The following GPC5 variants were observed in gnomAD, a reference collection of about 807,000 sequenced individuals.
The protein encoded by GPC5 is glypican-5.
In GPC5, 47 loss-of-function variants were observed where a neutral mutation model predicts 53.9. The ratio of observed to expected loss-of-function variants is 0.87; its 90% CI spans 0.69 to 1.11. The LOEUF is 1.11. Ranked by LOEUF, GPC5 falls within the 50% of genes most tolerant of loss-of-function variation. The pLI is 0.00. For missense variants in GPC5, 748 were observed against 713.1 expected (o/e 1.05, Z -0.56); for synonymous variants, 286 against 263.3 (o/e 1.09, Z -0.84).
At chr13:91,973,199 T>C (rs563057753) in intron 6 of GPC5, among the ~76,000 whole-genome samples, 3,571 of 152,210 alleles carry the variant, frequency 0.023, 135 homozygotes, top group African/African-American at 0.082. Flanking sequence ...CTTCCCTTCT[T>C]GCTTCATTTC....
intron 6 of GPC5, among the ~76,000 whole-genome samples, chr13:92,017,907 C>G (rs1355506574): frequency 6.6e-6 from 1 of 151,922 alleles, no homozygotes; most frequent in Non-Finnish European, 1.5e-5. Context: ...CACACGTACA[C>G]GTGCATGAGT....
chr13:91,476,282 C>A (rs1344542772), intron 2 of GPC5, among the ~76,000 whole-genome samples: 1 of 152,154 alleles, frequency 6.6e-6, no homozygotes, highest in Non-Finnish European at 1.5e-5. Flanking sequence ...AAGTTTAAAA[C>A]CCCAGTTGAC....
At chr13:91,850,899 G>A (rs1411519) in intron 5 of GPC5, among the ~76,000 whole-genome samples, 28,596 of 151,976 alleles carry the variant, frequency 0.19, 2,986 homozygotes, top group East Asian at 0.31. Context: ...CAATTTCATG[G>A]AATATGAATA....
chr13:92,513,445 T>C (rs1594264502), intron 7 of GPC5, among the ~76,000 whole-genome samples: 1 of 149,998 alleles, frequency 6.7e-6, no homozygotes, highest in East Asian at 2.0e-4. Flanking sequence ...TTCCACATCC[T>C]AGTTAAAAAT....
At chr13:92,119,526 C>CGTAGCTGG (rs2041630102) in intron 6 of GPC5, among the ~76,000 whole-genome samples, 1 of 147,280 alleles carries the variant, frequency 6.8e-6, no homozygotes, top group Non-Finnish European at 1.5e-5. Flanking sequence ...CAGCCTCCCA[C>CGTAGCTGG]GTAGCTGGGA....
At chr13:91,956,473 C>T (rs2139067924) in intron 6 of GPC5, among the ~76,000 whole-genome samples, 1 of 152,306 alleles carries the variant, frequency 6.6e-6, no homozygotes, top group East Asian at 1.9e-4. Context: ...GATCCACTAC[C>T]TGCCTGGCCC....
chr13:92,762,930 T>A (rs1875244569), intron 7 of GPC5, among the ~76,000 whole-genome samples: 1 of 152,102 alleles, frequency 6.6e-6, no homozygotes. Context: ...TTCAATGAAT[T>A]CTTTAGCCCC....
At chr13:92,016,824 T>C (rs2040711866) in intron 6 of GPC5, among the ~76,000 whole-genome samples, 2 of 151,496 alleles carry the variant, frequency 1.3e-5, no homozygotes, top group African/African-American at 4.8e-5. Flanking sequence ...GCCTTCTGGG[T>C]TCACTCAGTT....
chr13:91,415,374 G>A (rs1419015458), intron 1 of GPC5, among the ~76,000 whole-genome samples: 1 of 152,136 alleles, frequency 6.6e-6, no homozygotes, highest in African/African-American at 2.4e-5. Flanking sequence ...GCTGTTTGCT[G>A]TGAGTCTCCT....
At chr13:91,620,525 C>A (rs1399569757) in intron 2 of GPC5, among the ~76,000 whole-genome samples, 4 of 152,106 alleles carry the variant, frequency 2.6e-5, no homozygotes, top group Non-Finnish European at 4.4e-5. Flanking sequence ...ATATGGCAAC[C>A]AATCTGTTCT....
intron 7 of GPC5, among the ~76,000 whole-genome samples, chr13:92,289,322 T>G (rs1265925038): frequency 6.6e-6 from 1 of 151,966 alleles, no homozygotes; most frequent in Non-Finnish European, 1.5e-5. Flanking sequence ...TGCTTAAGTA[T>G]TTCTTTCTAT....
intron 2 of GPC5, among the ~76,000 whole-genome samples, chr13:91,533,407 T>G (rs1886442097): frequency 6.6e-6 from 1 of 152,208 alleles, no homozygotes; most frequent in South Asian, 2.1e-4. Flanking sequence ...CTTGTATTAA[T>G]ATTTCTGAAT....
intron 2 of GPC5, among the ~76,000 whole-genome samples, chr13:91,580,256 T>A (rs1449106682): frequency 6.6e-6 from 1 of 152,132 alleles, no homozygotes; most frequent in East Asian, 1.9e-4. Flanking sequence ...TTCATCGTGT[T>A]AGCCAGGATG....
intron 6 of GPC5, among the ~76,000 whole-genome samples, chr13:92,060,712 T>G (rs1180432080): frequency 6.6e-6 from 1 of 152,028 alleles, no homozygotes; most frequent in Non-Finnish European, 1.5e-5. Context: ...CACCTTTATA[T>G]CGAATAAAAA....
At chr13:92,772,916 T>A (rs1875665658) in intron 7 of GPC5, among the ~76,000 whole-genome samples, 1 of 152,144 alleles carries the variant, frequency 6.6e-6, no homozygotes, top group African/African-American at 2.4e-5. Context: ...ATTATTATTA[T>A]TTTTCCCTAA....
chr13:91,715,959 T>C (rs1420795478), intron 3 of GPC5, among the ~76,000 whole-genome samples: 2 of 152,076 alleles, frequency 1.3e-5, no homozygotes, highest in South Asian at 2.1e-4. Flanking sequence ...AAATACTTTT[T>C]GTAGAGACAA....
intron 7 of GPC5, among the ~76,000 whole-genome samples, chr13:92,256,524 C>T (rs949818434): frequency 2.0e-5 from 3 of 151,990 alleles, no homozygotes; most frequent in Non-Finnish European, 4.4e-5. Flanking sequence ...CTATCATTTA[C>T]TTTAGAGCAT....
rs553276985 is a variant in GPC5 at position 92,794,687 on chromosome 13, C to T, written c.1562-71595C>T. Among the ~76,000 whole-genome samples the T allele has an allele frequency of 1.3e-3, 193 of 152,252 alleles. 1 individual carries two copies. Among genetic ancestry groups the T allele is most frequent in the Non-Finnish European group, 2.3e-3 (154 of 68,020 alleles). ...AGCTGATAAGCAACTTCAGTAAAGT[C>T]TCAGGATACAAAATCAATGTGCAAA... is the stretch of plus-strand genomic sequence containing the variant. On this transcript the variant is annotated intron_variant, in intron 7 of 7. Transcript: ENST00000377067.
chr13:92,072,584 T>A (rs971902090), intron 6 of GPC5, among the ~76,000 whole-genome samples: 4 of 149,476 alleles, frequency 2.7e-5, no homozygotes, highest in African/African-American at 9.9e-5. Context: ...TTTTTTTTTT[T>A]TTTTTTTTAT....
Sources: allele counts gnomAD v4.1 joint callset (sites outside exome capture counted in the v4.1 genomes callset), GRCh38; gene constraint gnomAD v4.1.1; transcripts MANE v1.5; gene names NCBI Gene and HGNC (gene_info 2026-07-23, HGNC 2026-07-21).